CASK: variants seen among roughly 807,000 people sequenced by gnomAD.
CASK encodes calcium/calmodulin dependent serine protein kinase.
In CASK, 4 loss-of-function variants were observed where a neutral mutation model predicts 82.9. That is an observed-to-expected ratio of 0.05 (90% CI 0.02 to 0.11). The LOEUF (loss-of-function observed/expected upper bound fraction) is 0.11. Among genes scored for constraint, CASK ranks in the 10% least tolerant of loss-of-function variants. The probability of loss-of-function intolerance (pLI) is 1.00; values close to 1 mark genes in which losing one functional copy is unlikely to be tolerated. For missense variants in CASK, 358 were observed against 720.9 expected, an observed-to-expected ratio of 0.50 and a Z score of 5.76; for synonymous variants, 259 against 253.5, an observed-to-expected ratio of 1.02 and a Z score of -0.20.
chrX:41,884,872 C>T (rs187938862), intron 1 of CASK, among the ~76,000 whole-genome samples: 1 of 111,481 alleles, frequency 9.0e-6, no homozygotes, highest in Non-Finnish European at 1.9e-5. Flanking sequence ...ATCATGGAGG[C>T]ACCCTATCAA....
intron 19 of CASK, chrX:41,555,888 T>C: frequency 3.5e-6 from 1 of 284,814 alleles, no homozygotes; most frequent in South Asian, 7.9e-5. Context: ...CAACTCAGCA[T>C]CTTCAACACA....
At chrX:41,660,190 C>A (rs2067010514) in intron 8 of CASK, 1 of 423,127 alleles carries the variant, frequency 2.4e-6, no homozygotes. Context: ...AAAAAAGAGG[C>A]CTTCCCCTGA....
intron 12 of CASK, among the ~76,000 whole-genome samples, chrX:41,600,009 G>A (rs1482845371): frequency 1.8e-5 from 2 of 111,405 alleles, no homozygotes; most frequent in Non-Finnish European, 3.8e-5. Flanking sequence ...TTTTTAAAGT[G>A]TTAAAATCAC....
At chrX:41,867,924 A>G (rs1015709118) in intron 1 of CASK, among the ~76,000 whole-genome samples, 20 of 112,408 alleles carry the variant, frequency 1.8e-4, no homozygotes, top group African/African-American at 6.5e-4. Flanking sequence ...CTCAATCACT[A>G]TAATAGCTTA....
At chrX:41,803,186 C>T (rs1398586702) in intron 2 of CASK, among the ~76,000 whole-genome samples, 3 of 111,239 alleles carry the variant, frequency 2.7e-5, no homozygotes, top group Non-Finnish European at 5.7e-5. Flanking sequence ...CCTCTGTCAC[C>T]AAGAAAAACA....
intron 25 of CASK, among the ~76,000 whole-genome samples, chrX:41,530,561 C>T (rs918596453): frequency 8.9e-6 from 1 of 111,939 alleles, no homozygotes; most frequent in African/African-American, 3.2e-5. Flanking sequence ...TGCTGTGTTT[C>T]AGACCCAGGC....
At chrX:41,837,442 ACC>A (rs2070948076) in intron 2 of CASK, among the ~76,000 whole-genome samples, 2 of 111,262 alleles carry the variant, frequency 1.8e-5, no homozygotes, top group Admixed American at 1.9e-4. Context: ...CCCCACAAAA[ACC>A]CCAAGTGCTA....
intron 5 of CASK, chrX:41,727,294 G>A (rs750383418): frequency 8.3e-7 from 1 of 1,209,598 alleles, no homozygotes; most frequent in South Asian, 1.8e-5. Context: ...TCAATGCAGA[G>A]TGGTCAATTT....
intron 12 of CASK, among the ~76,000 whole-genome samples, chrX:41,598,076 T>A (rs2065844739): frequency 9.2e-6 from 1 of 108,827 alleles, no homozygotes; most frequent in African/African-American, 3.4e-5. Context: ...AAGGTCGAAG[T>A]TGCAATGTGC....
chrX:41,866,822 C>G (rs2148000652), intron 1 of CASK, among the ~76,000 whole-genome samples: 1 of 111,419 alleles, frequency 9.0e-6, no homozygotes, highest in Admixed American at 9.5e-5. Context: ...TCCATGATTC[C>G]TCACTCTACC....
intron 15 of CASK, among the ~76,000 whole-genome samples, 179 bp downstream of exon 15, chrX:41,578,161 A>G (rs1359116512): frequency 1.8e-5 from 2 of 111,465 alleles, no homozygotes; most frequent in Admixed American, 1.9e-4. Flanking sequence ...AGACAGTTTC[A>G]GGCAGAACAA....
At chrX:41,665,623 C>T in intron 6 of CASK, 171 bp from the exon 7 acceptor site, 1 of 459,618 alleles carries the variant, frequency 2.2e-6, no homozygotes, top group Non-Finnish European at 3.7e-6. Flanking sequence ...AAAAAAATTA[C>T]TTATCTAATT....
chrX:41,719,547 A>G (rs2068125522), intron 5 of CASK, among the ~76,000 whole-genome samples: 1 of 112,379 alleles, frequency 8.9e-6, no homozygotes, highest in African/African-American at 3.2e-5. Context: ...CCACTTGAAC[A>G]TAAATTTAAT....
intron 11 of CASK, among the ~76,000 whole-genome samples, chrX:41,614,228 C>T (rs370888845): frequency 8.9e-6 from 1 of 111,876 alleles, no homozygotes; most frequent in African/African-American, 3.2e-5. Context: ...CCCTCCTAAC[C>T]TGTGGCAACT....
intron 21 of CASK, among the ~76,000 whole-genome samples, chrX:41,549,903 T>G (rs1380104578): frequency 1.8e-5 from 2 of 110,101 alleles, no homozygotes; most frequent in African/African-American, 6.6e-5. Flanking sequence ...CTCACACCTG[T>G]AATCCTAGCA....
At chrX:41,561,701 A>C in intron 16 of CASK, 57 bp from the exon 17 acceptor site, 1 of 841,660 alleles carries the variant, frequency 1.2e-6, no homozygotes, top group South Asian at 2.2e-5. Flanking sequence ...ATAGTAACAA[A>C]ATCCAGAGGC....
intron 9 of CASK, chrX:41,635,787 G>A (rs2066541005): frequency 9.7e-6 from 1 of 102,801 alleles, no homozygotes. Flanking sequence ...GAATAAAGAA[G>A]GTGAGAAAAG....
At chrX:41,733,619 G>A (rs898873562) in intron 5 of CASK, among the ~76,000 whole-genome samples, 3 of 108,872 alleles carry the variant, frequency 2.8e-5, no homozygotes, top group Admixed American at 2.0e-4. Context: ...CATGGTGGCG[G>A]GCACCTGTAG....
At chrX:41,550,519 T>C (rs752848916) in intron 21 of CASK, among the ~76,000 whole-genome samples, 1 of 111,483 alleles carries the variant, frequency 9.0e-6, no homozygotes, top group East Asian at 2.8e-4. Flanking sequence ...CCCTGGATGT[T>C]CCTCTGGTTC....
Sources: gnomAD v4.1 joint callset for allele counts (sites outside exome capture counted in the v4.1 genomes callset) on GRCh38, gnomAD v4.1.1 for gene constraint, MANE v1.5 for transcripts, NCBI Gene and HGNC (gene_info 2026-07-23, HGNC 2026-07-21) for gene names.